The following PARP11 variants were observed in gnomAD, a reference collection of about 807,000 sequenced individuals.
PARP11 encodes protein mono-ADP-ribosyltransferase PARP11.
A neutral mutation model predicts 42.9 loss-of-function variants in PARP11; 31 were observed. The ratio of observed to expected loss-of-function variants is 0.72; its 90% CI spans 0.54 to 0.98. PARP11 has a LOEUF of 0.98. Among genes scored for constraint, PARP11 ranks in the 50% least tolerant of loss-of-function variants. The pLI is 0.00. For synonymous variants in PARP11, 137 were observed against 127.3 expected, an observed-to-expected ratio of 1.08 and a Z score of -0.51; for missense variants, 365 against 413.1, an observed-to-expected ratio of 0.88 and a Z score of 1.01.
intron 1 of PARP11, chr12:3,839,356 C>A (rs1385489197): frequency 3.9e-6 from 6 of 1,537,328 alleles, no homozygotes; most frequent in Non-Finnish European, 5.2e-6. Context: ...CGCGGGGCCC[C>A]GCGAGGACGC....
In PARP11 at chr12:3,872,206, T is replaced by C. The variant is rs571027779; in HGVS notation, c.18+1006A>G. 2.6e-4 allele frequency among the ~76,000 whole-genome samples: 39 copies of C among 152,282 alleles called. 1 individual carries two copies. Among genetic ancestry groups the C allele is most frequent in the Non-Finnish European group, 4.9e-4 (33 of 68,008 alleles). Reference sequence around the variant, plus strand: ...CCTTGCTGGGCTTCCTTCCTCAGTTTATTAACATTAGAGTATATCCTTTGT... The same window carrying C: ...CCTTGCTGGGCTTCCTTCCTCAGTTCATTAACATTAGAGTATATCCTTTGT... On this transcript the variant is annotated intron_variant, in intron 1 of 7. Transcript: ENST00000228820.
At chr12:3,831,893 C>T (rs1234068337) in intron 1 of PARP11, among the ~76,000 whole-genome samples, 1 of 151,922 alleles carries the variant, frequency 6.6e-6, no homozygotes, top group Non-Finnish European at 1.5e-5. Context: ...GGCCATTTAA[C>T]TGTGAGAAAG....
At chr12:3,822,365 G>A (rs183050316) in intron 4 of PARP11, among the ~76,000 whole-genome samples, 259 of 151,550 alleles carry the variant, frequency 1.7e-3, no homozygotes, top group African/African-American at 5.8e-3. Flanking sequence ...TTGGGAGGCC[G>A]AGGCGAGCGG....
intron 1 of PARP11, among the ~76,000 whole-genome samples, chr12:3,855,470 G>A (rs145927609): frequency 0.012 from 1,841 of 152,220 alleles, 44 homozygotes; most frequent in African/African-American, 0.042. Flanking sequence ...AAAATCACAA[G>A]CATTCCTACA....
chr12:3,839,526 CAG>C (rs1417260974), intron 1 of PARP11: 7 of 1,592,610 alleles, frequency 4.4e-6, no homozygotes, highest in Admixed American at 3.3e-5. Flanking sequence ...TTCGAGAGAA[CAG>C]AGAGAAATTT....
rs761774665 is a variant in PARP11, at chr12:3,869,537, CCTTT to C, written c.18+3671_18+3674del. Among the ~76,000 whole-genome samples the C allele has an allele frequency of 5.3e-5, 8 of 152,282 alleles. No homozygotes were observed. The South Asian group carries it at 8.3e-4, about 16-fold the overall frequency. On this transcript the variant is annotated intron_variant, in intron 1 of 7. Transcript: ENST00000228820. ...CTCTCTTTTTCTCAAGCACCAAGCT[CCTTT>C]CTTTCTCAGGATCTTTGCTCACACT... is the stretch of plus-strand genomic sequence containing the variant.
At chr12:3,816,728 C>T (rs935534830) in intron 6 of PARP11, among the ~76,000 whole-genome samples, 2 of 152,204 alleles carry the variant, frequency 1.3e-5, no homozygotes, top group Admixed American at 1.3e-4. Context: ...TAAGGAAATT[C>T]TGTCTCTACT....
rs974813183 is a variant in PARP11, at chr12:3,811,740, G to C, written c.*383C>G. ...CCTCTAAAGGGACACATTTATGTCT[G>C]TATTTTTTTTCAACATTTATACGAA... is the stretch of plus-strand genomic sequence containing the variant. On this transcript the variant is annotated 3_prime_UTR_variant, in exon 8 of 8. Transcript: ENST00000228820. 3 of 168,396 alleles carry C rather than the reference G, an allele frequency of 1.8e-5. No homozygotes were observed. Among genetic ancestry groups the C allele is most frequent in the Non-Finnish European group, 3.8e-5 (3 of 79,674 alleles). The allele number at this position is 168,396 out of a possible 1,614,324, so 10.4% of individuals were successfully genotyped here.
At chr12:3,847,022 A>C (rs1051465960) in intron 1 of PARP11, among the ~76,000 whole-genome samples, 9 of 152,118 alleles carry the variant, frequency 5.9e-5, no homozygotes, top group Non-Finnish European at 1.3e-4. Context: ...AGCTACAGTG[A>C]GCTATGACTG....
chr12:3,865,787 A>G (rs1046534949), intron 1 of PARP11, among the ~76,000 whole-genome samples: 2 of 151,702 alleles, frequency 1.3e-5, no homozygotes, highest in African/African-American at 4.8e-5. Flanking sequence ...TGTTTTTTTA[A>G]TCCAATCTGA....
chr12:3,854,850 T>C (rs1948164687), intron 1 of PARP11, among the ~76,000 whole-genome samples: 1 of 152,100 alleles, frequency 6.6e-6, no homozygotes, highest in South Asian at 2.1e-4. Context: ...TTTAGACCAA[T>C]ATCCCTGATG....
intron 1 of PARP11, chr12:3,839,667 A>G: frequency 1.0e-6 from 1 of 966,116 alleles, no homozygotes; most frequent in East Asian, 2.4e-5. Flanking sequence ...CTAATCTGGA[A>G]CCTAATGTTT....
intron 1 of PARP11, among the ~76,000 whole-genome samples, chr12:3,850,760 T>C (rs548159604): frequency 5.9e-5 from 9 of 151,956 alleles, no homozygotes; most frequent in East Asian, 2.0e-4. Context: ...TTTATATTTA[T>C]CTACAAAACA....
At chr12:3,817,630 T>C (rs1174300658) in intron 6 of PARP11, among the ~76,000 whole-genome samples, 3 of 152,334 alleles carry the variant, frequency 2.0e-5, no homozygotes, top group East Asian at 3.9e-4. Context: ...TCCACAATCA[T>C]TCCCGAACTT....
At chr12:3,839,459 A>T (rs1234037372) in intron 1 of PARP11, 1 of 1,611,654 alleles carries the variant, frequency 6.2e-7, no homozygotes, top group Admixed American at 1.7e-5. Flanking sequence ...GTGGCGGAGC[A>T]GGTATTGCAC....
chr12:3,839,195 G>A lies in PARP11; in HGVS notation c.19-9177C>T, dbSNP rs1405958917. On this transcript the variant is annotated intron_variant, in intron 1 of 7. Transcript: ENST00000228820. ...CCGCCTGCCGCCGCTCGCGGAGCCC[G>A]AGCCCCAGCCCGAGCCGCCGCCTAC... 1.4e-4 allele frequency among the ~76,000 whole-genome samples: 21 copies of A among 149,658 alleles called. No homozygotes were observed. The East Asian group carries it at 3.7e-3, about 26-fold the overall frequency.
At chr12:3,814,613 T>C (rs1947249319) in intron 6 of PARP11, among the ~76,000 whole-genome samples, 1 of 152,142 alleles carries the variant, frequency 6.6e-6, no homozygotes, top group Non-Finnish European at 1.5e-5. Context: ...AACTAGAAAA[T>C]GTTGGTTCAG....
intron 1 of PARP11, among the ~76,000 whole-genome samples, chr12:3,859,289 G>C (rs1033358887): frequency 1.3e-5 from 2 of 152,052 alleles, no homozygotes; most frequent in Non-Finnish European, 2.9e-5. Context: ...ATGTAGGCCG[G>C]TGCAGTGGCT....
At chr12:3,815,735 G>A (rs886194188) in intron 6 of PARP11, among the ~76,000 whole-genome samples, 1 of 152,064 alleles carries the variant, frequency 6.6e-6, no homozygotes, top group Non-Finnish European at 1.5e-5. Context: ...TTCCAAACCA[G>A]ACCTCTCTTA....
Sources: gnomAD v4.1 joint callset for allele counts (sites outside exome capture counted in the v4.1 genomes callset) on GRCh38, gnomAD v4.1.1 for gene constraint, MANE v1.5 for transcripts, NCBI Gene and HGNC (gene_info 2026-07-23, HGNC 2026-07-21) for gene names.